NELFCD: variants seen among roughly 807,000 people sequenced by gnomAD.
The protein encoded by NELFCD is negative elongation factor C/D.
NELFCD carries 48 observed loss-of-function variants against 72.9 expected under a neutral mutation model. The observed-to-expected ratio is 0.66, with a 90% CI of 0.52 to 0.84. The LOEUF is 0.84. Among genes scored for constraint, NELFCD ranks in the 40% least tolerant of loss-of-function variants. The pLI is 0.00. For synonymous variants in NELFCD, 297 were observed against 280.6 expected (o/e 1.06, Z -0.59); for missense variants, 538 against 723.8 (o/e 0.74, Z 2.94).
At position 58,993,592 on chromosome 20, in the gene NELFCD, C is replaced by G; in HGVS notation, c.1441-32C>G. On this transcript the variant is annotated intron_variant, in intron 12 of 14. Coordinates refer to ENST00000652272, the MANE Select transcript of NELFCD (RefSeq NM_198976.4). The surrounding 1 kb of genome is among the most constrained non-coding windows in gnomAD (Gnocchi z 5.0). ...GCCAGAGGGCTGAGGAGGACCCTCT[C>G]TAACCAGCTCCCTGTCCCCCTTCTT... 6.2e-7 allele frequency: 1 copy of G among 1,614,178 alleles called. No homozygotes were observed. The highest frequency in any genetic ancestry group is 8.5e-7 in the Non-Finnish European group (1 of 1,180,010).
rs150894361 is a variant in NELFCD, at chr20:58,982,257, A to G, written c.60+888A>G. On this transcript the variant is annotated intron_variant, in intron 1 of 14. Transcript: ENST00000652272. ...CTGCAACGTCTGCCTCTCGGATTCA[A>G]GCGATTCTCCTGCCTCAGCCTCCCG... Among the ~76,000 whole-genome samples, 674 of 145,824 alleles carry G rather than the reference A, an allele frequency of 4.6e-3. 8 individuals are homozygous for G. Among genetic ancestry groups the G allele is most frequent in the African/African-American group, 0.017 (654 of 39,534 alleles).
At chr20:58,990,415 A>G (rs1269599410) in intron 7 of NELFCD, 1 of 172,082 alleles carries the variant, frequency 5.8e-6, no homozygotes, top group African/African-American at 2.4e-5. Flanking sequence ...AAAAAAAAAA[A>G]AATTAAAAAC....
At chr20:58,990,040 A>G (rs760875955) in intron 7 of NELFCD, 52 bp downstream of exon 7, 1 of 1,592,180 alleles carries the variant, frequency 6.3e-7, no homozygotes, top group Non-Finnish European at 8.5e-7. Context: ...TCCCCACAAA[A>G]CCCTTCCCAT....
intron 9 of NELFCD, 118 bp from the exon 10 acceptor site, chr20:58,991,763 A>G (rs1054128800): frequency 4.2e-6 from 5 of 1,196,376 alleles, no homozygotes; most frequent in Non-Finnish European, 5.8e-6. Context: ...AGCTGAATTG[A>G]CTCCCAACTT....
In NELFCD at chr20:58,993,487, G is replaced by A. The variant is rs1229757399; in HGVS notation, c.1383G>A (p.Leu461=). The change falls in exon 12 of 15, where the codon CTG becomes CTA. Residue 461 remains leucine, a synonymous_variant. Transcript: ENST00000652272. This position sits in a 1 kb window ranked among gnomAD's most constrained non-coding sequence, Gnocchi z 5.0. Reference sequence around the variant, plus strand: ...ACCAGCTCCTGCACCCCCAGGTCCTGCAGCTGCTTGTTAAGCTTTTTGAGA... The same window carrying A: ...ACCAGCTCCTGCACCCCCAGGTCCTACAGCTGCTTGTTAAGCTTTTTGAGA... ...TCHQLLHPQV[L]QLLVKLFETE... The A allele has an allele frequency of 1.2e-6, 2 of 1,614,040 alleles. No individual in the cohort carries two copies. The highest frequency in any genetic ancestry group is 1.7e-6 in the Non-Finnish European group (2 of 1,180,056).
chr20:58,984,402 G>C (rs191273460), intron 1 of NELFCD, among the ~76,000 whole-genome samples: 10 of 152,296 alleles, frequency 6.6e-5, no homozygotes, highest in Admixed American at 1.3e-4. Context: ...GACTTCAGGG[G>C]AATGTTGCTA....
At chr20:58,991,838 T>C in intron 9 of NELFCD, 43 bp from the exon 10 acceptor site, 3 of 1,604,554 alleles carry the variant, frequency 1.9e-6, no homozygotes, top group Non-Finnish European at 2.6e-6. Flanking sequence ...ACAGCAGGGA[T>C]ATCTGCCCTG....
rs372138052 is a variant in NELFCD, at chr20:58,983,139, CT to C, written c.60+1785del. Among the ~76,000 whole-genome samples, 340 of 134,482 alleles carry C rather than the reference CT, an allele frequency of 2.5e-3. 1 individual carries two copies. The highest frequency in any genetic ancestry group is 4.6e-3 in the African/African-American group (168 of 36,318). The allele number at this position is 134,482 out of a possible 152,430, so 88.2% of individuals were successfully genotyped here. A position where few individuals can be genotyped will look rare whatever the true frequency, so the allele number is the denominator to read the frequency against. Reference sequence around the variant, plus strand: ...AGTATATCACCTTGAGCCTTTTTTTCTTTTTTTTTTTTTTTGAGACAGAGTC... The same window carrying C: ...AGTATATCACCTTGAGCCTTTTTTTCTTTTTTTTTTTTTTGAGACAGAGTC... On this transcript the variant is annotated intron_variant, in intron 1 of 14. Coordinates refer to ENST00000652272, the MANE Select transcript of NELFCD (RefSeq NM_198976.4).
chr20:58,991,224 C>A, intron 8 of NELFCD, 88 bp from the exon 9 acceptor site: 1 of 1,582,844 alleles, frequency 6.3e-7, no homozygotes, highest in Non-Finnish European at 8.6e-7. Flanking sequence ...GCCTGTTGGG[C>A]CCCTGCTGTG....
chr20:58,989,326 G>A lies in NELFCD; in HGVS notation c.505-162G>A. On this transcript the variant is annotated intron_variant, in intron 5 of 14. Transcript: ENST00000652272. ...AAACGATGGAGAGGTGGTCAGCCCA[G>A]GGCACACACCTAGGTGATAGCAGGG... 4.9e-6 allele frequency: 4 copies of A among 819,490 alleles called. No individual in the cohort carries two copies. In the South Asian group the frequency reaches 5.0e-5, roughly 10 times the overall value. The allele number at this position is 819,490 out of a possible 1,614,324, so 50.8% of individuals were successfully genotyped here. A position where few individuals can be genotyped will look rare whatever the true frequency, so the allele number is the denominator to read the frequency against.
chr20:58,982,586 T>C (rs552250311), intron 1 of NELFCD, among the ~76,000 whole-genome samples: 2 of 152,320 alleles, frequency 1.3e-5, no homozygotes, highest in Admixed American at 1.3e-4. Context: ...TGATGGCGGC[T>C]TCGGAGCCAT....
At chr20:58,987,871 T>A (rs2091784066) in intron 4 of NELFCD, 54 bp downstream of exon 4, 1 of 1,368,666 alleles carries the variant, frequency 7.3e-7, no homozygotes, top group Admixed American at 1.7e-5. Flanking sequence ...TTTTGCAAAT[T>A]CCCTGTGTAC....
intron 13 of NELFCD, 61 bp from the exon 14 acceptor site, chr20:58,994,049 G>T: frequency 6.3e-7 from 1 of 1,588,226 alleles, no homozygotes. Context: ...ATTTCACCCG[G>T]ATGTCGGTGG....
At chr20:58,989,422 A>G in intron 5 of NELFCD, 66 bp from the exon 6 acceptor site, 1 of 1,584,924 alleles carries the variant, frequency 6.3e-7, no homozygotes, top group Non-Finnish European at 8.6e-7. Flanking sequence ...AACACTGACA[A>G]GCCAGCTTCC....
In NELFCD at chr20:58,981,336, G is replaced by T. The variant is rs1343818910; in HGVS notation, c.27G>T (p.Ala9=). 9.0e-7 allele frequency: 1 copy of T among 1,108,656 alleles called. No homozygotes were observed. The highest frequency in any genetic ancestry group is 1.1e-6 in the Non-Finnish European group (1 of 905,262). 68.7% of individuals were successfully genotyped at this position (1,108,656 alleles called of 1,614,324 possible). A position where few individuals can be genotyped will look rare whatever the true frequency, so the allele number is the denominator to read the frequency against. MDEDYYGS[A]AEWGDEADGG... Reference sequence around the variant, plus strand: ...TGGACGAGGACTACTACGGGAGCGCGGCCGAGTGGGGCGACGAGGCTGACG... The same window carrying T: ...TGGACGAGGACTACTACGGGAGCGCTGCCGAGTGGGGCGACGAGGCTGACG... Residue 9 remains alanine, a synonymous_variant, in exon 1 of 15, where the codon GCG becomes GCT. Coordinates refer to ENST00000652272, the MANE Select transcript of NELFCD (RefSeq NM_198976.4).
At chr20:58,988,795 C>T in intron 4 of NELFCD, 119 bp from the exon 5 acceptor site, 2 of 698,522 alleles carry the variant, frequency 2.9e-6, no homozygotes, top group South Asian at 3.4e-5. Context: ...TCCCCCAGAA[C>T]TAGATGCCCA....
chr20:58,982,349 G>A (rs1281967687), intron 1 of NELFCD, among the ~76,000 whole-genome samples: 1 of 151,782 alleles, frequency 6.6e-6, no homozygotes, highest in Non-Finnish European at 1.5e-5. Flanking sequence ...GTAGAGAGGG[G>A]GTTTCACCTT....
At position 58,989,918 on chromosome 20, in the gene NELFCD, G is replaced by A. The variant is rs2091802627; in HGVS notation, c.718G>A (p.Ala240Thr). 1 of 1,614,060 alleles carries A rather than the reference G, an allele frequency of 6.2e-7. No individual in the cohort carries two copies. Among genetic ancestry groups the A allele is most frequent in the Non-Finnish European group, 8.5e-7 (1 of 1,180,048 alleles). The change falls in exon 7 of 15, where the codon GCC becomes ACC. Residue 240 changes from alanine to threonine, a missense_variant. Ala to Thr is a moderately conservative substitution (Grantham distance 58). Coordinates refer to ENST00000652272, the MANE Select transcript of NELFCD (RefSeq NM_198976.4). ...LFAQAMMSVL[A>T]QEEQGGSAVR... The stretch of plus-strand genomic sequence containing the variant: ...TGCCCAGGCCATGATGTCCGTGCTG[G>A]CCCAGGAGGAGCAGGGGGGCTCCGC...
Position 58,994,155 on chromosome 20 carries a change from C to G in NELFCD, c.1627C>G (p.Leu543Val), listed in dbSNP as rs2091839779. The change falls in exon 14 of 15, where the codon CTT becomes GTT. Residue 543 changes from leucine to valine, a missense_variant. By Grantham distance (32) the Leu-to-Val change is conservative (BLOSUM62 1). This residue lies in a region of NELFCD where 136 missense variants were observed against 154.0 expected (regional missense o/e 0.88). Coordinates refer to ENST00000652272, the MANE Select transcript of NELFCD (RefSeq NM_198976.4). ...APPYTSDFVQLFLPILENDSI... is the reference protein window; with the variant it reads ...APPYTSDFVQVFLPILENDSI... ...TCCTTATACCTCTGACTTCGTGCAA[C>G]TTTTCCTCCCCATCCTGGAGAATGA... 6.2e-7 allele frequency: 1 copy of G among 1,614,220 alleles called. No individual in the cohort carries two copies. The highest frequency in any genetic ancestry group is 8.5e-7 in the Non-Finnish European group (1 of 1,180,012).
Sources: gnomAD v4.1 joint callset for allele counts (sites outside exome capture counted in the v4.1 genomes callset) on GRCh38, gnomAD v4.1.1 for gene constraint, gnomAD v4.1.1 regional missense constraint, Gnocchi (gnomAD v3.1) non-coding constraint, MANE v1.5 for transcripts, NCBI Gene and HGNC (gene_info 2026-07-23, HGNC 2026-07-21) for gene names.